The following DYM variants were observed in gnomAD, a reference collection of about 807,000 sequenced individuals.
The protein encoded by DYM is dyggve-Melchior-Clausen syndrome protein.
Under a neutral mutation model 93.1 loss-of-function variants are expected in DYM, and 78 were observed. That is an observed-to-expected ratio of 0.84 (90% CI 0.70 to 1.01). DYM has a LOEUF of 1.01. Ranked by LOEUF, DYM falls within the 50% of genes least tolerant of loss-of-function variation. The pLI is 0.00. For synonymous variants in DYM, 321 were observed against 319.7 expected (o/e 1.00, Z -0.04); for missense variants, 789 against 845.0 (o/e 0.93, Z 0.82).
intron 8 of DYM, among the ~76,000 whole-genome samples, chr18:49,297,690 C>T (rs1224531949): frequency 6.6e-6 from 1 of 151,512 alleles, no homozygotes; most frequent in Non-Finnish European, 1.5e-5. Context: ...TTTTTTTCCT[C>T]ATCAAAATAC....
At chr18:49,066,615 A>G (rs914137253) in intron 17 of DYM, among the ~76,000 whole-genome samples, 1 of 152,226 alleles carries the variant, frequency 6.6e-6, no homozygotes, top group Non-Finnish European at 1.5e-5. Flanking sequence ...CATTTAGGTT[A>G]GATGCTTACC....
chr18:49,069,318 T>C (rs1358326252), intron 17 of DYM, among the ~76,000 whole-genome samples: 1 of 152,208 alleles, frequency 6.6e-6, no homozygotes, highest in African/African-American at 2.4e-5. Context: ...CAGCAATTTA[T>C]CTATTCTGAA....
Position 49,420,870 on chromosome 18 carries a change from C to T in DYM, c.140+9385G>A, listed in dbSNP as rs1056644963. Among the ~76,000 whole-genome samples the T allele has an allele frequency of 4.6e-5, 7 of 152,150 alleles. No individual in the cohort carries two copies. The South Asian group carries it at 6.2e-4, about 14-fold the overall frequency. On this transcript the variant is annotated intron_variant, in intron 2 of 17. Transcript: ENST00000675505. ...CGGCACATCAGGAGATTATATCCCA[C>T]GCCTGGCTCGGAGGGTCCCACACCC...
intron 2 of DYM, among the ~76,000 whole-genome samples, chr18:49,417,593 G>C (rs575773748): frequency 1.3e-5 from 2 of 151,252 alleles, no homozygotes; most frequent in Non-Finnish European, 2.9e-5. Context: ...ATATATAGAA[G>C]GCTCTTCAAG....
chr18:49,397,543 C>T (rs1036466288), intron 2 of DYM, among the ~76,000 whole-genome samples: 3 of 152,178 alleles, frequency 2.0e-5, no homozygotes, highest in African/African-American at 4.8e-5. Flanking sequence ...GCAGTAAATC[C>T]TCCAAATGGG....
intron 17 of DYM, among the ~76,000 whole-genome samples, chr18:49,095,530 G>A (rs2079466242): frequency 6.6e-6 from 1 of 151,652 alleles, no homozygotes; most frequent in African/African-American, 2.4e-5. Context: ...GCAAGCTGAG[G>A]TCAGGAGTAC....
At chr18:49,045,740 T>G (rs1278552301) in intron 17 of DYM, among the ~76,000 whole-genome samples, 8 of 146,376 alleles carry the variant, frequency 5.5e-5, no homozygotes, top group Admixed American at 1.4e-4. Flanking sequence ...GAAGGGGAGG[T>G]GAGCTCCCCT....
At chr18:49,103,671 C>T (rs1373970953) in intron 16 of DYM, among the ~76,000 whole-genome samples, 4 of 152,154 alleles carry the variant, frequency 2.6e-5, no homozygotes, top group Admixed American at 6.5e-5. Flanking sequence ...AATAGGGAAT[C>T]CTTTCCCCAT....
chr18:49,347,411 C>T (rs9956476), intron 6 of DYM, among the ~76,000 whole-genome samples: 2 of 151,958 alleles, frequency 1.3e-5, no homozygotes, highest in African/African-American at 2.4e-5. Context: ...AACTGAACTT[C>T]TATTCATTAA....
chr18:49,195,718 T>C (rs1481879384), intron 14 of DYM, among the ~76,000 whole-genome samples: 1 of 152,168 alleles, frequency 6.6e-6, no homozygotes, highest in Non-Finnish European at 1.5e-5. Context: ...ATGGTCATGG[T>C]TATCAGATAA....
intron 17 of DYM, among the ~76,000 whole-genome samples, chr18:49,088,653 G>A (rs568615936): frequency 1.3e-5 from 2 of 152,038 alleles, no homozygotes; most frequent in East Asian, 3.9e-4. Flanking sequence ...CTACAACACT[G>A]AGTACAAATA....
chr18:49,359,097 C>G (rs1305923825), intron 6 of DYM, among the ~76,000 whole-genome samples: 4 of 152,184 alleles, frequency 2.6e-5, no homozygotes, highest in Non-Finnish European at 5.9e-5. Context: ...GCTTTTACCT[C>G]TGGCTTACCT....
At chr18:49,408,006 G>A (rs2071718559) in intron 2 of DYM, among the ~76,000 whole-genome samples, 1 of 145,626 alleles carries the variant, frequency 6.9e-6, no homozygotes, top group Non-Finnish European at 1.5e-5. Context: ...GAAGGGGGAG[G>A]ACTGCCTGAT....
At chr18:49,437,709 C>T (rs577134956) in intron 1 of DYM, among the ~76,000 whole-genome samples, 2 of 152,282 alleles carry the variant, frequency 1.3e-5, no homozygotes, top group African/African-American at 4.8e-5. Flanking sequence ...TTCTCTACTC[C>T]ACAGCCACCA....
At chr18:49,332,910 T>C (rs985988994) in intron 7 of DYM, among the ~76,000 whole-genome samples, 1 of 152,178 alleles carries the variant, frequency 6.6e-6, no homozygotes, top group African/African-American at 2.4e-5. Context: ...ACGGTCATTC[T>C]GAGTGTCATT....
intron 11 of DYM, among the ~76,000 whole-genome samples, chr18:49,258,899 C>T (rs2094445384): frequency 6.9e-6 from 1 of 145,038 alleles, no homozygotes; most frequent in Admixed American, 6.9e-5. Context: ...GGCAGGCAGG[C>T]CGGCAGACAG....
chr18:49,448,636 CAG>C (rs1491176407), intron 1 of DYM, among the ~76,000 whole-genome samples: 1 of 152,120 alleles, frequency 6.6e-6, no homozygotes, highest in Non-Finnish European at 1.5e-5. Flanking sequence ...CCAGGAAACA[CAG>C]GGGGAAAAAA....
rs996551561 is a variant in DYM, at chr18:49,043,187, T to C, written c.*868A>G. The C allele has an allele frequency of 3.3e-5, 5 of 152,048 alleles. No individual in the cohort carries two copies. Among genetic ancestry groups the C allele is most frequent in the African/African-American group, 1.2e-4 (5 of 41,470 alleles). 9.4% of individuals were successfully genotyped at this position (152,048 alleles called of 1,614,324 possible). A position where few individuals can be genotyped will look rare whatever the true frequency, so the allele number is the denominator to read the frequency against. ...CTTTGTGGCTCAGGCTGGAGTGTAC[T>C]GGCACGTTCTTAGCTCACTGCAGCC... On this transcript the variant is annotated 3_prime_UTR_variant, in exon 18 of 18. Transcript: ENST00000675505.
chr18:49,108,656 A>C (rs1188437473), intron 16 of DYM, among the ~76,000 whole-genome samples: 1 of 152,184 alleles, frequency 6.6e-6, no homozygotes, highest in African/African-American at 2.4e-5. Flanking sequence ...GGCCCCATAC[A>C]TGGTCTCTCT....
Sources: gnomAD v4.1 joint callset for allele counts (sites outside exome capture counted in the v4.1 genomes callset) on GRCh38, gnomAD v4.1.1 for gene constraint, MANE v1.5 for transcripts, NCBI Gene and HGNC (gene_info 2026-07-23, HGNC 2026-07-21) for gene names.